Variants in FGF13 observed in about 807,000 individuals in gnomAD.
FGF13 encodes fibroblast growth factor homologous factor 2.
FGF13 carries 2 observed loss-of-function variants against 19.5 expected under a neutral mutation model. The observed-to-expected ratio is 0.10, with a 90% CI of 0.04 to 0.32. The LOEUF is 0.32. Among genes scored for constraint, FGF13 ranks in the 10% least tolerant of loss-of-function variants. The pLI is 1.00. For synonymous variants in FGF13, 72 were observed against 76.9 expected (o/e 0.94, Z 0.33); for missense variants, 113 against 192.7 (o/e 0.59, Z 2.45).
At chrX:139,099,377 C>CAAAAAAAAAAAAAAAAA (rs59882808) in intron 1 of FGF13, among the ~76,000 whole-genome samples, 7 of 32,941 alleles carry the variant, frequency 2.1e-4, no homozygotes, top group African/African-American at 5.4e-4. Flanking sequence ...GTTTCTATCT[C>CAAAAAAAAAAAAAAAAA]AAAAAAAAAA....
chrX:138,692,243 TA>T (rs1403090487), intron 3 of FGF13, among the ~76,000 whole-genome samples: 2 of 111,764 alleles, frequency 1.8e-5, no homozygotes, highest in Non-Finnish European at 3.8e-5. Context: ...AAATATGTGT[TA>T]AAAACATACT....
intron 1 of FGF13, among the ~76,000 whole-genome samples, chrX:139,116,482 T>C (rs1160220678): frequency 2.7e-5 from 3 of 111,911 alleles, no homozygotes; most frequent in African/African-American, 9.7e-5. Context: ...TCTTTTCTAG[T>C]AGTTGAATTC....
chrX:139,095,638 G>T (rs1433030240), intron 1 of FGF13, among the ~76,000 whole-genome samples: 1 of 112,026 alleles, frequency 8.9e-6, no homozygotes, highest in Admixed American at 9.5e-5. Context: ...AACTGGAGAT[G>T]ATAATGGAAC....
At chrX:138,913,708 A>G (rs182551073) in intron 1 of FGF13, among the ~76,000 whole-genome samples, 2 of 100,994 alleles carry the variant, frequency 2.0e-5, no homozygotes, top group African/African-American at 7.6e-5. Context: ...AAGGAAGGAA[A>G]GAAAACTATC....
chrX:138,972,782 T>C (rs981367583), intron 1 of FGF13, among the ~76,000 whole-genome samples: 4 of 112,116 alleles, frequency 3.6e-5, no homozygotes, highest in South Asian at 3.7e-4. Context: ...TTTTTTTAAA[T>C]GCCTGCTAGC....
chrX:138,940,483 T>A (rs777146304), intron 1 of FGF13, among the ~76,000 whole-genome samples: 2 of 111,669 alleles, frequency 1.8e-5, no homozygotes, highest in Non-Finnish European at 3.8e-5. Context: ...GCTTTTGGGG[T>A]GTTCGTCATG....
intron 1 of FGF13, among the ~76,000 whole-genome samples, chrX:138,973,401 T>C: frequency 1.8e-5 from 2 of 112,423 alleles, no homozygotes; most frequent in Middle Eastern, 9.2e-3. Context: ...TTTTAAAACT[T>C]GCTTGGCAGC....
At chrX:138,886,899 G>C (rs760356229) in intron 1 of FGF13, among the ~76,000 whole-genome samples, 1 of 111,930 alleles carries the variant, frequency 8.9e-6, no homozygotes, top group East Asian at 2.8e-4. Flanking sequence ...GTCCAGTCCT[G>C]TGCTTTTGTA....
At chrX:138,727,238 C>T (rs2090192561) in intron 1 of FGF13, among the ~76,000 whole-genome samples, 1 of 109,167 alleles carries the variant, frequency 9.2e-6, no homozygotes. Flanking sequence ...TTAGTAACTG[C>T]AACACCAACA....
chrX:138,934,570 C>T, intron 1 of FGF13, among the ~76,000 whole-genome samples: 1 of 112,612 alleles, frequency 8.9e-6, no homozygotes, highest in Non-Finnish European at 1.9e-5. Context: ...ATGTGTGCTG[C>T]TCATGGAGGA....
downstream of FGF13, among the ~76,000 whole-genome samples, chrX:138,854,266 G>A (rs193268833): frequency 3.9e-4 from 43 of 111,324 alleles, no homozygotes; most frequent in Admixed American, 9.6e-4. Flanking sequence ...ACTGAAAATC[G>A]CAAATGTTTG....
intron 1 of FGF13, among the ~76,000 whole-genome samples, chrX:138,914,735 G>C (rs2091609775): frequency 9.4e-6 from 1 of 106,842 alleles, no homozygotes; most frequent in Admixed American, 1.0e-4. Flanking sequence ...TGCTTATGTT[G>C]GAAAGGCCCT....
intron 1 of FGF13, among the ~76,000 whole-genome samples, chrX:139,036,062 T>C (rs979678005): frequency 8.9e-6 from 1 of 112,051 alleles, no homozygotes; most frequent in African/African-American, 3.2e-5. Context: ...AGAAAGTCAC[T>C]AGTGATCTAT....
At chrX:138,789,658 AG>A (rs1286663326) in intron 3 of FGF13, among the ~76,000 whole-genome samples, 1 of 110,793 alleles carries the variant, frequency 9.0e-6, no homozygotes, top group Non-Finnish European at 1.9e-5. Flanking sequence ...TCCACATTTT[AG>A]GTATTTATTG....
At chrX:138,945,917 T>G (rs2091779743) in intron 1 of FGF13, among the ~76,000 whole-genome samples, 1 of 111,750 alleles carries the variant, frequency 8.9e-6, no homozygotes, top group African/African-American at 3.3e-5. Flanking sequence ...TGATTTTTTT[T>G]GTCAACCTAT....
intron 1 of FGF13, among the ~76,000 whole-genome samples, chrX:138,879,193 C>T (rs7053118): frequency 0.059 from 6,571 of 110,901 alleles, 464 homozygotes; most frequent in African/African-American, 0.2. Flanking sequence ...TATTTAAGTC[C>T]TTTGTCCATT....
chrX:138,841,081 C>G (rs1387214135), intron 3 of FGF13, among the ~76,000 whole-genome samples: 2 of 110,942 alleles, frequency 1.8e-5, no homozygotes, highest in Non-Finnish European at 3.8e-5. Context: ...GTACTTCGAT[C>G]TCCCCATTTT....
intron 3 of FGF13, among the ~76,000 whole-genome samples, chrX:138,832,887 C>T (rs2091084489): frequency 8.9e-6 from 1 of 111,937 alleles, no homozygotes; most frequent in Non-Finnish European, 1.9e-5. Context: ...TATGGCTAGT[C>T]ATTTATCCCG....
chrX:138,977,107 A>C (rs1175012737), intron 1 of FGF13, among the ~76,000 whole-genome samples: 1 of 111,890 alleles, frequency 8.9e-6, no homozygotes, highest in East Asian at 2.8e-4. Context: ...AATGTAGAGA[A>C]GGGTAGTTTT....
Sources: allele counts gnomAD v4.1 joint callset (sites outside exome capture counted in the v4.1 genomes callset), GRCh38; gene constraint gnomAD v4.1.1; transcripts MANE v1.5; gene names NCBI Gene and HGNC (gene_info 2026-07-23, HGNC 2026-07-21).